Variants in GALNT17 observed in about 807,000 individuals in gnomAD.
The protein encoded by GALNT17 is UDP-GalNAc:polypeptide N-acetylgalactosaminyltransferase-like 3.
In GALNT17, 29 loss-of-function variants were observed where a neutral mutation model predicts 63.7. The observed-to-expected ratio is 0.46, with a 90% CI of 0.34 to 0.62. GALNT17 has a LOEUF of 0.62. Ranked by LOEUF, GALNT17 falls within the 20% of genes least tolerant of loss-of-function variation. GALNT17 has a pLI of 0.01. For synonymous variants in GALNT17, 305 were observed against 318.3 expected, an observed-to-expected ratio of 0.96 and a Z score of 0.45; for missense variants, 603 against 799.6, an observed-to-expected ratio of 0.75 and a Z score of 2.97.
intron 8 of GALNT17, among the ~76,000 whole-genome samples, chr7:71,672,133 A>T (rs1440060066): frequency 6.6e-6 from 1 of 152,184 alleles, no homozygotes; most frequent in East Asian, 1.9e-4. Flanking sequence ...TGAATTTTTT[A>T]AAATTATCAA....
intron 6 of GALNT17, among the ~76,000 whole-genome samples, chr7:71,618,437 T>C (rs1373323993): frequency 6.6e-6 from 1 of 152,214 alleles, no homozygotes; most frequent in Non-Finnish European, 1.5e-5. Context: ...TCCAACAGTG[T>C]GTAAGCATTC....
At chr7:71,394,121 G>A (rs1356173778) in intron 3 of GALNT17, among the ~76,000 whole-genome samples, 1 of 152,154 alleles carries the variant, frequency 6.6e-6, no homozygotes, top group Non-Finnish European at 1.5e-5. Context: ...TCTGTAGACT[G>A]TACAAGAAGC....
chr7:71,222,842 G>C (rs1303057934), intron 1 of GALNT17, among the ~76,000 whole-genome samples: 1 of 152,116 alleles, frequency 6.6e-6, no homozygotes, highest in Non-Finnish European at 1.5e-5. Flanking sequence ...AGACCAAGTT[G>C]GGAGGGTCAC....
At chr7:71,398,088 T>C (rs1313011339) in intron 3 of GALNT17, among the ~76,000 whole-genome samples, 2 of 152,250 alleles carry the variant, frequency 1.3e-5, no homozygotes, top group Non-Finnish European at 2.9e-5. Flanking sequence ...AATTTCACAA[T>C]GATGAGCCTT....
chr7:71,133,099 G>A (rs979962280), intron 1 of GALNT17, 59 bp downstream of exon 1: 6 of 1,395,844 alleles, frequency 4.3e-6, no homozygotes, highest in Non-Finnish European at 5.7e-6. Context: ...CACAGGGTGA[G>A]CCCCAGGGTC....
chr7:71,594,317 T>C (rs1789856229), intron 6 of GALNT17, among the ~76,000 whole-genome samples: 2 of 151,744 alleles, frequency 1.3e-5, no homozygotes, highest in African/African-American at 4.8e-5. Context: ...TAAGACAGAG[T>C]CTCGCTCTGT....
chr7:71,662,912 G>T (rs1455094711), intron 6 of GALNT17, among the ~76,000 whole-genome samples: 1 of 152,190 alleles, frequency 6.6e-6, no homozygotes, highest in East Asian at 1.9e-4. Flanking sequence ...TAGGAGCCAT[G>T]TCCATTCTTT....
chr7:71,181,472 G>T (rs901094943), intron 1 of GALNT17, among the ~76,000 whole-genome samples: 11 of 152,146 alleles, frequency 7.2e-5, no homozygotes, highest in Non-Finnish European at 1.2e-4. Flanking sequence ...ATAGTAGTTT[G>T]TAAATGTTAG....
intron 6 of GALNT17, among the ~76,000 whole-genome samples, chr7:71,650,533 C>G (rs1253420194): frequency 6.6e-6 from 1 of 152,116 alleles, no homozygotes; most frequent in Non-Finnish European, 1.5e-5. Flanking sequence ...TTACAGGTGC[C>G]TGGCCCAATT....
chr7:71,498,502 A>G lies in GALNT17; in HGVS notation c.963-72783A>G, dbSNP rs149159332. On this transcript the variant is annotated intron_variant, in intron 5 of 10. Coordinates refer to ENST00000333538, the MANE Select transcript of GALNT17 (RefSeq NM_022479.3). ...GCAACAACGAAAGAGAGAAAGGGCT[A>G]TGTAATATTGGAAAGAAACAGGAGG... Among the ~76,000 whole-genome samples, 169 of 152,262 alleles carry G rather than the reference A, an allele frequency of 1.1e-3. 1 individual carries two copies. Among genetic ancestry groups the G allele is most frequent in the African/African-American group, 3.7e-3 (155 of 41,554 alleles).
At chr7:71,536,878 G>T (rs117481127) in intron 5 of GALNT17, among the ~76,000 whole-genome samples, 1 of 152,154 alleles carries the variant, frequency 6.6e-6, no homozygotes, top group East Asian at 1.9e-4. Flanking sequence ...GATTCCTCAC[G>T]TTCTGATGCC....
intron 1 of GALNT17, among the ~76,000 whole-genome samples, chr7:71,214,659 C>A (rs184661288): frequency 0.017 from 2,618 of 150,786 alleles, 29 homozygotes; most frequent in Middle Eastern, 0.038. Context: ...CTCACTGCAA[C>A]CTCCGCCTCC....
intron 1 of GALNT17, among the ~76,000 whole-genome samples, chr7:71,210,096 T>C (rs1223458915): frequency 4.6e-5 from 7 of 152,008 alleles, no homozygotes; most frequent in African/African-American, 1.7e-4. Flanking sequence ...CTAATTTTTG[T>C]AGTTTTAGTA....
intron 2 of GALNT17, among the ~76,000 whole-genome samples, chr7:71,346,312 G>A (rs988511936): frequency 2.6e-5 from 4 of 152,108 alleles, no homozygotes; most frequent in Non-Finnish European, 4.4e-5. Flanking sequence ...GACACAGAGA[G>A]TAGCTGTCCA....
intron 6 of GALNT17, among the ~76,000 whole-genome samples, chr7:71,573,207 A>G (rs1369413053): frequency 6.6e-6 from 1 of 151,636 alleles, no homozygotes; most frequent in Non-Finnish European, 1.5e-5. Context: ...ATGGGATTTC[A>G]CCATGTTGAC....
intron 2 of GALNT17, among the ~76,000 whole-genome samples, chr7:71,366,515 AG>A (rs763505078): frequency 6.6e-5 from 10 of 152,146 alleles, no homozygotes; most frequent in Non-Finnish European, 1.5e-4. Flanking sequence ...TGGGAAGCGG[AG>A]GTTGCAGTGA....
chr7:71,224,249 C>T (rs1303967936), intron 1 of GALNT17, among the ~76,000 whole-genome samples: 4 of 152,100 alleles, frequency 2.6e-5, no homozygotes, highest in East Asian at 3.9e-4. Context: ...TTTGCCATGT[C>T]GGCCAGGCTG....
chr7:71,299,522 C>T (rs942120046), intron 1 of GALNT17, among the ~76,000 whole-genome samples: 9 of 152,150 alleles, frequency 5.9e-5, no homozygotes, highest in South Asian at 2.1e-4. Context: ...CACAGATTTA[C>T]AGTCTCAGTT....
intron 6 of GALNT17, among the ~76,000 whole-genome samples, chr7:71,597,116 C>T (rs1260060349): frequency 1.3e-5 from 2 of 151,994 alleles, no homozygotes; most frequent in African/African-American, 4.8e-5. Context: ...CAGCTCACTG[C>T]AAGCTCCACC....
Sources: allele counts gnomAD v4.1 joint callset (sites outside exome capture counted in the v4.1 genomes callset), GRCh38; gene constraint gnomAD v4.1.1; transcripts MANE v1.5; gene names NCBI Gene and HGNC (gene_info 2026-07-23, HGNC 2026-07-21).